PARP12: variants seen among roughly 807,000 people sequenced by gnomAD.
PARP12 encodes protein mono-ADP-ribosyltransferase PARP12.
A neutral mutation model predicts 72.4 loss-of-function variants in PARP12; 59 were observed. The ratio of observed to expected loss-of-function variants is 0.81; its 90% CI spans 0.66 to 1.01. The LOEUF is 1.01. PARP12 is among the 50% of genes least tolerant of loss of function. PARP12 has a pLI of 0.00. For missense variants in PARP12, 851 were observed against 914.0 expected (o/e 0.93, Z 0.89); for synonymous variants, 403 against 371.4 (o/e 1.09, Z -0.98).
At chr7:140,043,160 C>T (rs986577602) in intron 5 of PARP12, among the ~76,000 whole-genome samples, 4 of 152,152 alleles carry the variant, frequency 2.6e-5, no homozygotes, top group African/African-American at 9.7e-5. Context: ...CACCACTGCG[C>T]TCCAACTTGG....
At chr7:140,058,972 G>GT (rs1440290358) in intron 1 of PARP12, among the ~76,000 whole-genome samples, 2 of 152,022 alleles carry the variant, frequency 1.3e-5, no homozygotes, top group African/African-American at 4.8e-5. Context: ...GTGCATGCCT[G>GT]TAATCCCAGC....
rs1336880541 is a variant in PARP12 at position 140,023,846 on chromosome 7, T to A, written c.*714A>T. ...TGTTAAAACCCACACTCGAAGGGTG[T>A]CCAGTGTGCTTAGGAAATGTGGGTT... On this transcript the variant is annotated 3_prime_UTR_variant, in exon 12 of 12. Transcript: ENST00000263549. 6.5e-6 allele frequency: 1 copy of A among 154,946 alleles called. No homozygotes were observed. The highest frequency in any genetic ancestry group is 2.4e-5 in the African/African-American group (1 of 41,468). The allele number at this position is 154,946 out of a possible 1,614,324, so 9.6% of individuals were successfully genotyped here.
Position 140,027,403 on chromosome 7 carries a change from T to C in PARP12, c.1501A>G (p.Ile501Val). 6.2e-7 allele frequency: 1 copy of C among 1,613,870 alleles called. No homozygotes were observed. The highest frequency in any genetic ancestry group is 1.1e-5 in the South Asian group (1 of 91,072). ...TCTTCCGAGGAAGAACTAAGGGTGA[T>C]CTTCTGCAAGGGGCAAATGTTTTTA... ...SALPDPGFQK[I>V]TLSSSSEEYQ... Residue 501 changes from isoleucine to valine, a missense_variant, in exon 10 of 12, where the codon ATC (isoleucine) becomes GTC (valine). Around this residue, in one of 3 missense-constraint regions of PARP12, gnomAD observed 347 missense variants for 396.1 expected, o/e 0.88. Coordinates refer to ENST00000263549, the MANE Select transcript of PARP12 (RefSeq NM_022750.4).
intron 4 of PARP12, among the ~76,000 whole-genome samples, chr7:140,051,269 A>T (rs182010108): frequency 7.2e-5 from 11 of 152,346 alleles, no homozygotes; most frequent in Admixed American, 5.9e-4. Flanking sequence ...CACTTTTGTA[A>T]AAGACGATAC....
intron 5 of PARP12, among the ~76,000 whole-genome samples, chr7:140,046,079 T>C (rs1174380767): frequency 6.6e-6 from 1 of 152,202 alleles, no homozygotes; most frequent in African/African-American, 2.4e-5. Context: ...TATGTATTTG[T>C]CAAAACTCAC....
Position 140,024,558 on chromosome 7 carries a change from GCTCA to G in PARP12, c.2104_*1del, listed in dbSNP as rs753557921. ...TGAAAGGCCTGGAACACTCCTGTGC[GCTCA>G]CTGTCGGCTGCTGAACAGGGAGCCC... On this transcript the variant is annotated stop_lost and 3_prime_UTR_variant, in exon 12 of 12. Transcript: ENST00000263549. The G allele has an allele frequency of 5.0e-6, 8 of 1,613,640 alleles. No individual in the cohort carries two copies. The highest frequency in any genetic ancestry group is 4.0e-5 in the African/African-American group (3 of 74,828).
chr7:140,025,489 T>G, intron 11 of PARP12: 1 of 426,780 alleles, frequency 2.3e-6, no homozygotes, highest in South Asian at 1.7e-5. Flanking sequence ...GCAGAAAATG[T>G]TCTCAACTTG....
In PARP12 at chr7:140,036,484, G is replaced by A. The variant is rs371395929; in HGVS notation, c.1324+1231C>T. On this transcript the variant is annotated intron_variant, in intron 7 of 11. Transcript: ENST00000263549. ...CACTCTAGAGGAGAAAAACTTCACC[G>A]TAAAGGGCATGTCAAGGGGGTAGTG... 1.0e-3 allele frequency among the ~76,000 whole-genome samples: 154 copies of A among 152,222 alleles called. 1 individual carries two copies. Among genetic ancestry groups the A allele is most frequent in the African/African-American group, 3.5e-3 (146 of 41,510 alleles).
chr7:140,031,873 A>G (rs1272637924), intron 8 of PARP12, among the ~76,000 whole-genome samples: 1 of 152,234 alleles, frequency 6.6e-6, no homozygotes, highest in Non-Finnish European at 1.5e-5. Context: ...ATCCAGAATC[A>G]GTAAGACACT....
chr7:140,042,967 A>G (rs1441431419), intron 5 of PARP12, among the ~76,000 whole-genome samples: 1 of 152,178 alleles, frequency 6.6e-6, no homozygotes. Context: ...AGGCCAAGGC[A>G]GGTGGATCAT....
intron 10 of PARP12, among the ~76,000 whole-genome samples, chr7:140,026,900 T>C (rs1280420698): frequency 1.3e-5 from 2 of 152,140 alleles, no homozygotes; most frequent in East Asian, 3.9e-4. Context: ...CCAGTCCTCA[T>C]GTATGAACCT....
chr7:140,035,862 G>GGGAAGA (rs1422253486), intron 7 of PARP12, among the ~76,000 whole-genome samples: 2 of 145,146 alleles, frequency 1.4e-5, no homozygotes, highest in South Asian at 2.3e-4. Flanking sequence ...GAGGAGGAGG[G>GGGAAGA]GGAAGAGGAA....
chr7:140,047,092 C>A, intron 4 of PARP12, 85 bp from the exon 5 acceptor site: 4 of 1,432,580 alleles, frequency 2.8e-6, no homozygotes, highest in South Asian at 1.4e-5. Context: ...TGTGGTGCTG[C>A]CCACTGACCT....
Position 140,034,088 on chromosome 7 carries a change from G to T in PARP12, c.1421+147C>A. On this transcript the variant is annotated intron_variant, in intron 8 of 11. Coordinates refer to ENST00000263549, the MANE Select transcript of PARP12 (RefSeq NM_022750.4). ...AATTCCCACTCTGGTCCAACTAGTA[G>T]AAGACAAACGATAACAGAGTGTGGG... is the stretch of plus-strand genomic sequence containing the variant. 2.2e-6 allele frequency: 3 copies of T among 1,346,224 alleles called. No individual in the cohort carries two copies. The South Asian group carries it at 4.7e-5, about 21-fold the overall frequency. 83.4% of individuals were successfully genotyped at this position (1,346,224 alleles called of 1,614,324 possible). A position where few individuals can be genotyped will look rare whatever the true frequency, so the allele number is the denominator to read the frequency against.
intron 1 of PARP12, 53 bp downstream of exon 1, chr7:140,062,469 C>A: frequency 6.7e-7 from 1 of 1,484,896 alleles, no homozygotes; most frequent in Non-Finnish European, 8.9e-7. Flanking sequence ...GCTGGAAGTG[C>A]GTGAGGGCGC....
chr7:140,031,936 C>T (rs763395074), intron 8 of PARP12, among the ~76,000 whole-genome samples: 4 of 152,070 alleles, frequency 2.6e-5, no homozygotes, highest in Admixed American at 6.6e-5. Flanking sequence ...AAATACTTCA[C>T]AGGCAAAGTC....
At chr7:140,047,675 T>G (rs1816788080) in intron 4 of PARP12, among the ~76,000 whole-genome samples, 1 of 152,128 alleles carries the variant, frequency 6.6e-6, no homozygotes, top group African/African-American at 2.4e-5. Context: ...TGGGGTATAG[T>G]GGCACAATCA....
At position 140,035,989 on chromosome 7, in the gene PARP12, G is replaced by C. The variant is rs1039795472; in HGVS notation, c.1325-1658C>G. 5.7e-4 allele frequency among the ~76,000 whole-genome samples: 47 copies of C among 82,716 alleles called. 5 individuals are homozygous for C. Among genetic ancestry groups the C allele is most frequent in the Admixed American group, 1.7e-3 (13 of 7,562 alleles). The allele number at this position is 82,716 out of a possible 152,430, so 54.3% of individuals were successfully genotyped here. ...AGGAGGACGAGGAGGAGGAGGAGGAGGAGGAGGAGGAGAAGGAGGAGAAGG... is the reference window on the plus strand; with the variant it reads ...AGGAGGACGAGGAGGAGGAGGAGGACGAGGAGGAGGAGAAGGAGGAGAAGG... On this transcript the variant is annotated intron_variant, in intron 7 of 11. Coordinates refer to ENST00000263549, the MANE Select transcript of PARP12 (RefSeq NM_022750.4).
At chr7:140,029,125 T>A (rs1356349551) in intron 8 of PARP12, 1 of 153,292 alleles carries the variant, frequency 6.5e-6, no homozygotes. Context: ...AATAAAACAT[T>A]TTTTGAAAAA....
Sources: allele counts gnomAD v4.1 joint callset (sites outside exome capture counted in the v4.1 genomes callset), GRCh38; gene constraint gnomAD v4.1.1; regional missense constraint gnomAD v4.1.1; transcripts MANE v1.5; gene names NCBI Gene and HGNC (gene_info 2026-07-23, HGNC 2026-07-21).